GABRG3: variants seen among roughly 807,000 people sequenced by gnomAD.
GABRG3 encodes the protein gamma-aminobutyric acid type A receptor subunit gamma3.
Under a neutral mutation model 48.8 loss-of-function variants are expected in GABRG3, and 25 were observed. The ratio of observed to expected loss-of-function variants is 0.51; its 90% CI spans 0.37 to 0.72. GABRG3 has a LOEUF of 0.72. Among genes scored for constraint, GABRG3 ranks in the 30% least tolerant of loss-of-function variants. The pLI is 0.00. For synonymous variants in GABRG3, 227 were observed against 217.6 expected (o/e 1.04, Z -0.38); for missense variants, 394 against 577.9 (o/e 0.68, Z 3.26).
intron 6 of GABRG3, among the ~76,000 whole-genome samples, chr15:27,506,505 T>C (rs936216464): frequency 6.6e-6 from 1 of 152,150 alleles, no homozygotes; most frequent in African/African-American, 2.4e-5. Flanking sequence ...GGACTCAATC[T>C]TGTAGCCACA....
chr15:27,035,005 A>C (rs2140690825), intron 3 of GABRG3, among the ~76,000 whole-genome samples: 1 of 152,320 alleles, frequency 6.6e-6, no homozygotes, highest in African/African-American at 2.4e-5. Flanking sequence ...CATGGCTGTC[A>C]GCACCTGAAC....
intron 3 of GABRG3, among the ~76,000 whole-genome samples, chr15:27,039,716 T>TC (rs761625856): frequency 2.6e-4 from 39 of 152,292 alleles, no homozygotes; most frequent in Non-Finnish European, 5.7e-4. Context: ...TTGTCAGCAT[T>TC]CCCTAGTCTT....
In GABRG3 at chr15:27,249,231, C is replaced by T. The variant is rs1304708118; in HGVS notation, c.271-77578C>T. Among the ~76,000 whole-genome samples, 4 of 152,264 alleles carry T rather than the reference C, an allele frequency of 2.6e-5. No individual in the cohort carries two copies. The East Asian group carries it at 7.8e-4, about 30-fold the overall frequency. Reference sequence around the variant, plus strand: ...TGCGTGGCGCTCCGGGGAGGCTGCTCCTCCGCGTGGCCAGGAACAGGCCAA... The same window carrying T: ...TGCGTGGCGCTCCGGGGAGGCTGCTTCTCCGCGTGGCCAGGAACAGGCCAA... On this transcript the variant is annotated intron_variant, in intron 3 of 9. Transcript: ENST00000615808.
intron 5 of GABRG3, among the ~76,000 whole-genome samples, chr15:27,463,674 G>A (rs188808596): frequency 4.6e-5 from 7 of 152,276 alleles, no homozygotes; most frequent in Non-Finnish European, 8.8e-5. Flanking sequence ...TGTTTAGGAT[G>A]TGAGCTCAGA....
chr15:27,235,000 G>A (rs1889911277), intron 3 of GABRG3, among the ~76,000 whole-genome samples: 1 of 152,096 alleles, frequency 6.6e-6, no homozygotes, highest in Non-Finnish European at 1.5e-5. Context: ...CACAGTTCTG[G>A]CCTGTTGGCT....
At chr15:27,361,078 G>A (rs1029040223) in intron 5 of GABRG3, among the ~76,000 whole-genome samples, 16 of 152,340 alleles carry the variant, frequency 1.1e-4, no homozygotes, top group Middle Eastern at 3.4e-3. Flanking sequence ...CAAAGCCCTG[G>A]CAAGGGGCAG....
chr15:27,257,629 G>C (rs1157538157), intron 3 of GABRG3, among the ~76,000 whole-genome samples: 4 of 152,126 alleles, frequency 2.6e-5, no homozygotes, highest in Admixed American at 2.6e-4. Context: ...TATTGAAGAA[G>C]CTGTACCTAC....
chr15:27,250,413 C>T (rs560510334), intron 3 of GABRG3, among the ~76,000 whole-genome samples: 6 of 152,204 alleles, frequency 3.9e-5, no homozygotes, highest in African/African-American at 1.4e-4. Flanking sequence ...GTTTTATGTG[C>T]ACATTTCTAG....
At chr15:27,366,950 A>T (rs1335690089) in intron 5 of GABRG3, among the ~76,000 whole-genome samples, 1 of 151,880 alleles carries the variant, frequency 6.6e-6, no homozygotes, top group African/African-American at 2.4e-5. Context: ...CCTGCTTCCT[A>T]CTATGGGGGC....
intron 3 of GABRG3, among the ~76,000 whole-genome samples, chr15:27,326,439 C>T (rs751237726): frequency 2.6e-5 from 4 of 152,124 alleles, no homozygotes; most frequent in Non-Finnish European, 4.4e-5. Context: ...ATTATGTTCC[C>T]CATTTTATAG....
At chr15:27,380,079 C>T (rs577723289) in intron 5 of GABRG3, among the ~76,000 whole-genome samples, 1 of 151,026 alleles carries the variant, frequency 6.6e-6, no homozygotes, top group Non-Finnish European at 1.5e-5. Context: ...CCTCTTAACC[C>T]TTTTGTTTTT....
chr15:27,105,273 A>G (rs748716252), intron 3 of GABRG3, among the ~76,000 whole-genome samples: 29 of 152,328 alleles, frequency 1.9e-4, no homozygotes, highest in African/African-American at 6.5e-4. Flanking sequence ...ACAGAGCCTC[A>G]AAATACATGA....
chr15:27,351,297 GTGTT>G (rs552454426), intron 5 of GABRG3, among the ~76,000 whole-genome samples: 17 of 147,680 alleles, frequency 1.2e-4, no homozygotes, highest in Admixed American at 4.7e-4. Context: ...TGTGTATGGT[GTGTT>G]TGTGTGTATG....
intron 5 of GABRG3, among the ~76,000 whole-genome samples, chr15:27,460,929 C>T (rs559502298): frequency 2.9e-4 from 44 of 152,260 alleles, no homozygotes; most frequent in African/African-American, 1.0e-3. Flanking sequence ...TGGAATATCC[C>T]GCAAAGGGAC....
chr15:27,108,646 C>T (rs546957529), intron 3 of GABRG3, among the ~76,000 whole-genome samples: 1 of 152,246 alleles, frequency 6.6e-6, no homozygotes, highest in East Asian at 1.9e-4. Context: ...TTTCTGCCTG[C>T]TTTGTCTGTC....
Position 27,532,807 on chromosome 15 carries a change from T to C in GABRG3, c.1330T>C (p.Tyr444His), listed in dbSNP as rs1015150369. 2 of 1,614,030 alleles carry C rather than the reference T, an allele frequency of 1.2e-6. No homozygotes were observed. The highest frequency in any genetic ancestry group is 1.7e-6 in the Non-Finnish European group (2 of 1,179,892). ...IHIDILELDS[Y>H]SRVFFPTSFL... ...CATAGACATCTTGGAGCTGGACTCGTACTCCCGGGTCTTTTTCCCCACGTC... is the reference window on the plus strand; with the variant it reads ...CATAGACATCTTGGAGCTGGACTCGCACTCCCGGGTCTTTTTCCCCACGTC... Residue 444 changes from tyrosine (Y) to histidine (H), a missense_variant, in exon 10 of 10, where the codon TAC (tyrosine) becomes CAC (histidine). By Grantham distance (83) the Tyr-to-His change is moderately conservative. Around this residue, in one of 3 missense-constraint regions of GABRG3, gnomAD observed 126 missense variants for 155.5 expected, o/e 0.81. Coordinates refer to ENST00000615808, the MANE Select transcript of GABRG3 (RefSeq NM_033223.5).
intron 5 of GABRG3, among the ~76,000 whole-genome samples, chr15:27,469,778 C>T (rs963272480): frequency 3.9e-5 from 6 of 152,178 alleles, no homozygotes; most frequent in Admixed American, 2.6e-4. Flanking sequence ...TCTCTATCCC[C>T]CACATTTTCT....
Position 27,541,767 on chromosome 15 carries a change from G to T in GABRG3, c.*8886G>T, listed in dbSNP as rs1175942666. On this transcript the variant is annotated 3_prime_UTR_variant, in exon 10 of 10. Transcript: ENST00000615808. ...CCTCCTCCCCTGCGCAGAGGACGTG[G>T]CTCCCCGCTATCCGTGCGGCTCGTG... 2 of 152,202 alleles carry T rather than the reference G, an allele frequency of 1.3e-5. No homozygotes were observed. The highest frequency in any genetic ancestry group is 3.9e-4 in the East Asian group (2 of 5,162). The allele number at this position is 152,202 out of a possible 1,614,324, so 9.4% of individuals were successfully genotyped here.
chr15:27,150,246 GT>G (rs1196040824), intron 3 of GABRG3, among the ~76,000 whole-genome samples: 1 of 152,140 alleles, frequency 6.6e-6, no homozygotes, highest in African/African-American at 2.4e-5. Flanking sequence ...ATGTGAACCT[GT>G]TTACACCAAA....
Sources: gnomAD v4.1 joint callset for allele counts (sites outside exome capture counted in the v4.1 genomes callset) on GRCh38, gnomAD v4.1.1 for gene constraint, gnomAD v4.1.1 regional missense constraint, MANE v1.5 for transcripts, NCBI Gene and HGNC (gene_info 2026-07-23, HGNC 2026-07-21) for gene names.